Variants in EML6 observed in about 807,000 individuals in gnomAD.
The protein encoded by EML6 is echinoderm microtubule-associated protein-like 6.
Under a neutral mutation model 240.1 loss-of-function variants are expected in EML6, and 154 were observed. The observed-to-expected ratio is 0.64, with a 90% confidence interval of 0.56 to 0.73. EML6 has a LOEUF of 0.73. Ranked by LOEUF, EML6 falls within the 30% of genes least tolerant of loss-of-function variation. The probability of loss-of-function intolerance (pLI) is 0.00; values close to 1 mark genes in which losing one functional copy is unlikely to be tolerated. For synonymous variants in EML6, 1,148 were observed against 899.0 expected, an observed-to-expected ratio of 1.28 and a Z score of -4.95; for missense variants, 2,964 against 2,474.6, an observed-to-expected ratio of 1.20 and a Z score of -4.20.
At chr2:54,948,751 G>C (rs1675815640) in intron 28 of EML6, 131 bp from the exon 29 acceptor site, 1 of 683,758 alleles carries the variant, frequency 1.5e-6, no homozygotes, top group African/African-American at 1.8e-5. Flanking sequence ...GGACTGAACA[G>C]ATCCAAGTGG....
At chr2:54,771,645 T>C (rs775801824) in intron 2 of EML6, among the ~76,000 whole-genome samples, 16 of 152,278 alleles carry the variant, frequency 1.1e-4, no homozygotes, top group Non-Finnish European at 1.9e-4. Context: ...TGTGTGAATG[T>C]ATGTGTATAT....
chr2:54,867,473 A>T (rs1370376874), intron 14 of EML6: 1 of 152,226 alleles, frequency 6.6e-6, no homozygotes, highest in African/African-American at 2.4e-5. Flanking sequence ...GATCAACTTA[A>T]AAAATATGTG....
At chr2:54,933,920 GATA>G (rs1157051440) in intron 28 of EML6, among the ~76,000 whole-genome samples, 8 of 152,280 alleles carry the variant, frequency 5.3e-5, no homozygotes, top group Admixed American at 3.9e-4. Flanking sequence ...TGTGGCTAAT[GATA>G]ATATTAACCA....
At position 54,879,509 on chromosome 2, in the gene EML6, A is replaced by G. The variant is rs546397714; in HGVS notation, c.2345-38A>G. ...AGTGTATGAAATGTTTTGTTTTTTCATGGAAGAAATTTTGACATTTGTGTT... is the reference window on the plus strand; with the variant it reads ...AGTGTATGAAATGTTTTGTTTTTTCGTGGAAGAAATTTTGACATTTGTGTT... On this transcript the variant is annotated intron_variant, in intron 16 of 41. Transcript: ENST00000356458. 3.5e-5 allele frequency: 49 copies of G among 1,394,932 alleles called. No homozygotes were observed. In the East Asian group the frequency reaches 6.2e-4, roughly 18 times the overall value. 86.4% of individuals were successfully genotyped at this position (1,394,932 alleles called of 1,614,324 possible).
chr2:54,892,474 A>C lies in EML6; in HGVS notation c.2560A>C (p.Arg854=), dbSNP rs559736861. 4 of 1,551,352 alleles carry C rather than the reference A, an allele frequency of 2.6e-6. No homozygotes were observed. The South Asian group carries it at 4.8e-5, about 18-fold the overall frequency. Reference sequence around the variant, plus strand: ...TCTAGGTGGGGGCTTCACTTCTAAAAGAGGAACTTTTGGAAGCGTTGGAAA... The same window carrying C: ...TCTAGGTGGGGGCTTCACTTCTAAACGAGGAACTTTTGGAAGCGTTGGAAA... ...QQAGGGFTSK[R]GTFGSVGKLE... is the part of the protein sequence containing the mutation. Residue 854 remains arginine, a synonymous_variant, in exon 19 of 42, where the codon AGA becomes CGA. Coordinates refer to ENST00000356458, the MANE Select transcript of EML6 (RefSeq NM_001039753.4).
intron 16 of EML6, among the ~76,000 whole-genome samples, chr2:54,872,948 G>C (rs933051069): frequency 6.6e-6 from 1 of 152,158 alleles, no homozygotes; most frequent in Non-Finnish European, 1.5e-5. Flanking sequence ...ACTTGTGTCA[G>C]CGTCTCCCAG....
chr2:54,793,138 A>C (rs1334983611), intron 2 of EML6, among the ~76,000 whole-genome samples: 1 of 152,048 alleles, frequency 6.6e-6, no homozygotes, highest in African/African-American at 2.4e-5. Context: ...GTAGTGGTGC[A>C]TGCCTGTAAT....
At chr2:54,928,139 T>A (rs1437060285) in intron 26 of EML6, among the ~76,000 whole-genome samples, 174 bp from the exon 27 acceptor site, 1 of 152,210 alleles carries the variant, frequency 6.6e-6, no homozygotes, top group East Asian at 1.9e-4. Context: ...CTGGGTACTG[T>A]TTGAAGAAAA....
At chr2:54,795,638 G>T (rs1238425087) in intron 2 of EML6, among the ~76,000 whole-genome samples, 2 of 142,440 alleles carry the variant, frequency 1.4e-5, no homozygotes, top group African/African-American at 4.9e-5. Flanking sequence ...TCCTCAGTGG[G>T]CCTCAGTACT....
intron 33 of EML6, 59 bp downstream of exon 33, chr2:54,958,057 G>C: frequency 7.0e-7 from 1 of 1,433,526 alleles, no homozygotes; most frequent in Non-Finnish European, 9.4e-7. Flanking sequence ...CATGGGCATG[G>C]GCATGGGCAG....
At chr2:54,967,439 G>C (rs572353917) in intron 39 of EML6, among the ~76,000 whole-genome samples, 1 of 152,182 alleles carries the variant, frequency 6.6e-6, no homozygotes, top group Non-Finnish European at 1.5e-5. Flanking sequence ...AAGGGAGTGG[G>C]AGGGCCAGAC....
At chr2:54,946,620 T>G (rs1675707008) in intron 28 of EML6, among the ~76,000 whole-genome samples, 1 of 152,228 alleles carries the variant, frequency 6.6e-6, no homozygotes, top group Admixed American at 6.5e-5. Flanking sequence ...AAAGAAGCTT[T>G]TAATACTTGT....
intron 38 of EML6, among the ~76,000 whole-genome samples, chr2:54,964,941 AAAT>A (rs1676682444): frequency 6.6e-6 from 1 of 152,260 alleles, no homozygotes; most frequent in Non-Finnish European, 1.5e-5. Context: ...ATAGAATTTA[AAAT>A]AATAAAGAGT....
chr2:54,856,528 C>A (rs995846500), intron 11 of EML6, among the ~76,000 whole-genome samples: 2 of 152,180 alleles, frequency 1.3e-5, no homozygotes, highest in African/African-American at 2.4e-5. Context: ...GATGAGTGTC[C>A]TGAATGTTAA....
At chr2:54,957,356 A>G (rs1328914833) in intron 32 of EML6, among the ~76,000 whole-genome samples, 27 of 35,476 alleles carry the variant, frequency 7.6e-4, no homozygotes, top group Non-Finnish European at 2.6e-3. Flanking sequence ...AATCTTAGGA[A>G]AAAAAAAAAA....
chr2:54,910,416 CT>C (rs999649719), intron 24 of EML6, among the ~76,000 whole-genome samples: 2 of 152,190 alleles, frequency 1.3e-5, no homozygotes, highest in Non-Finnish European at 2.9e-5. Flanking sequence ...TCCTGGATTT[CT>C]TTTCAAATGT....
At chr2:54,920,407 C>G (rs1430628513) in intron 26 of EML6, among the ~76,000 whole-genome samples, 1 of 151,984 alleles carries the variant, frequency 6.6e-6, no homozygotes, top group African/African-American at 2.4e-5. Context: ...ATTGGATAAC[C>G]TGGAAGAAAT....
intron 5 of EML6, among the ~76,000 whole-genome samples, chr2:54,821,163 T>C (rs773474819): frequency 2.0e-5 from 3 of 152,174 alleles, no homozygotes; most frequent in Admixed American, 6.5e-5. Context: ...CTTTCTTGAA[T>C]AGAGCATGCA....
intron 2 of EML6, chr2:54,747,241 GT>G (rs1683954087): frequency 6.6e-6 from 1 of 152,224 alleles, no homozygotes; most frequent in Non-Finnish European, 1.5e-5. Flanking sequence ...TGCTACACTT[GT>G]TTTTCTAATT....
Sources: allele counts gnomAD v4.1 joint callset (sites outside exome capture counted in the v4.1 genomes callset), GRCh38; gene constraint gnomAD v4.1.1; transcripts MANE v1.5; gene names NCBI Gene and HGNC (gene_info 2026-07-23, HGNC 2026-07-21).